The following CLIP1 variants were observed in gnomAD, a reference collection of about 807,000 sequenced individuals.
The protein encoded by CLIP1 is CAP-Gly domain-containing linker protein 1.
CLIP1 carries 66 observed loss-of-function variants against 161.6 expected under a neutral mutation model. That is an observed-to-expected ratio of 0.41 (90% CI 0.33 to 0.50). The LOEUF is 0.50. Among genes scored for constraint, CLIP1 ranks in the 20% least tolerant of loss-of-function variants. The pLI is 0.27. For missense variants in CLIP1, 1,376 were observed against 1,702.0 expected, an observed-to-expected ratio of 0.81 and a Z score of 3.37; for synonymous variants, 598 against 626.2, an observed-to-expected ratio of 0.96 and a Z score of 0.67.
intron 1 of CLIP1, among the ~76,000 whole-genome samples, chr12:122,415,507 A>G (rs943943386): frequency 3.7e-5 from 5 of 136,920 alleles, no homozygotes; most frequent in African/African-American, 1.4e-4. Flanking sequence ...AAAAAGTGTT[A>G]TCTAAAGTTT....
chr12:122,376,283 G>T (rs964529002), intron 3 of CLIP1, among the ~76,000 whole-genome samples: 2 of 151,914 alleles, frequency 1.3e-5, no homozygotes, highest in Non-Finnish European at 2.9e-5. Context: ...TGTTGCCCAG[G>T]TTCAAGTGAT....
rs545839578 is a variant in CLIP1, at chr12:122,311,941, C to A, written c.3474-2059G>T. 6.6e-6 allele frequency among the ~76,000 whole-genome samples: 1 copy of A among 152,268 alleles called. No individual in the cohort carries two copies. Among genetic ancestry groups the A allele is most frequent in the African/African-American group, 2.4e-5 (1 of 41,554 alleles). ...CTTCAGTCGTGGTTCAGATATAGAG[C>A]ACTTTGTTTTTTCTTTAGTGGGTAG... is the stretch of plus-strand genomic sequence containing the variant. On this transcript the variant is annotated intron_variant, in intron 19 of 25. Transcript: ENST00000620786. This position sits in a 1 kb window ranked among gnomAD's most constrained non-coding sequence, Gnocchi z 4.3.
In CLIP1 at chr12:122,293,353, T is replaced by G. The variant is rs143077892; in HGVS notation, c.3595-4812A>C. Among the ~76,000 whole-genome samples the G allele has an allele frequency of 9.2e-5, 14 of 152,288 alleles. No homozygotes were observed. In the East Asian group the frequency reaches 2.7e-3, roughly 29 times the overall value. ...TCCCTAGTTGGCAAATAGATTAATG[T>G]TTAAAAAGACAAAACAAAACAAAAA... On this transcript the variant is annotated intron_variant, in intron 20 of 25. Transcript: ENST00000620786.
rs1566061638 is a variant in CLIP1, at chr12:122,272,200, TA to T, written c.*674del. The T allele has an allele frequency of 6.6e-6, 1 of 152,570 alleles. No homozygotes were observed. The highest frequency in any genetic ancestry group is 2.4e-5 in the African/African-American group (1 of 41,450). 9.5% of individuals were successfully genotyped at this position (152,570 alleles called of 1,614,324 possible). ...TATAGAAGCTGAAATTATGCAAAAC[TA>T]ATAAACAAAACACCACAGTAGATTA... On this transcript the variant is annotated 3_prime_UTR_variant, in exon 26 of 26. Transcript: ENST00000620786.
chr12:122,335,919 C>T (rs1469385844), intron 12 of CLIP1, among the ~76,000 whole-genome samples: 1 of 152,124 alleles, frequency 6.6e-6, no homozygotes, highest in Non-Finnish European at 1.5e-5. Context: ...CCCTGCGTGG[C>T]ACATATACCT....
In CLIP1 at chr12:122,279,332, G is replaced by A; in HGVS notation, c.3648-187C>T. Reference sequence around the variant, plus strand: ...ACTTGAAATTTTACTTACTGTGAGGGGAGAAAAAGTTTACCTATGCATAGA... The same window carrying A: ...ACTTGAAATTTTACTTACTGTGAGGAGAGAAAAAGTTTACCTATGCATAGA... On this transcript the variant is annotated intron_variant, in intron 21 of 25. Transcript: ENST00000620786. The surrounding 1 kb of genome is among the most constrained non-coding windows in gnomAD (Gnocchi z 4.5). 1 of 397,918 alleles carries A rather than the reference G, an allele frequency of 2.5e-6. No homozygotes were observed. The highest frequency in any genetic ancestry group is 5.5e-5 in the South Asian group (1 of 18,146). 24.6% of individuals were successfully genotyped at this position (397,918 alleles called of 1,614,324 possible). A position where few individuals can be genotyped will look rare whatever the true frequency, so the allele number is the denominator to read the frequency against.
chr12:122,364,191 T>TACA, intron 3 of CLIP1, 84 bp from the exon 4 acceptor site: 1 of 1,488,068 alleles, frequency 6.7e-7, no homozygotes. Context: ...AACTAGGTAC[T>TACA]ACATTCCATC....
At chr12:122,377,230 G>A (rs1192745301) in intron 3 of CLIP1, among the ~76,000 whole-genome samples, 159 bp downstream of exon 3, 3 of 151,846 alleles carry the variant, frequency 2.0e-5, no homozygotes, top group African/African-American at 7.3e-5. Flanking sequence ...GGCTGGTCTT[G>A]AACTCCTGAC....
intron 1 of CLIP1, chr12:122,400,970 G>A (rs905758231): frequency 1.4e-5 from 2 of 147,228 alleles, no homozygotes; most frequent in African/African-American, 5.0e-5. Context: ...GGAGTGCAGT[G>A]GCGCGATCTC....
At chr12:122,287,476 G>A (rs1037731633) in intron 21 of CLIP1, among the ~76,000 whole-genome samples, 4 of 152,120 alleles carry the variant, frequency 2.6e-5, no homozygotes, top group Admixed American at 6.5e-5. Flanking sequence ...TTTAACAAGC[G>A]AAAAAGCACA....
At chr12:122,357,831 C>T (rs538677939) in intron 5 of CLIP1, among the ~76,000 whole-genome samples, 25 of 149,004 alleles carry the variant, frequency 1.7e-4, no homozygotes, top group Non-Finnish European at 1.0e-4. Context: ...GTCAGCCCCC[C>T]GCCCGGCCAG....
intron 1 of CLIP1, among the ~76,000 whole-genome samples, chr12:122,413,819 T>C (rs1371264973): frequency 1.3e-5 from 2 of 151,954 alleles, no homozygotes; most frequent in East Asian, 3.9e-4. Flanking sequence ...GACCCACCCA[T>C]TGAGTTAGTG....
At chr12:122,366,793 A>C (rs954278173) in intron 3 of CLIP1, among the ~76,000 whole-genome samples, 6 of 152,150 alleles carry the variant, frequency 3.9e-5, no homozygotes, top group Admixed American at 1.3e-4. Context: ...GTGAGCCAAG[A>C]CTGTGCCAAT....
In CLIP1 at chr12:122,377,617, G is replaced by A; in HGVS notation, c.429C>T (p.Ser143=). Residue 143 remains serine, a synonymous_variant, in exon 3 of 26, where the codon TCC becomes TCT. Transcript: ENST00000620786. ...AAGTGCACAGCGGTGAAGTAGCTCG[G>A]GAGGCGGGCGTTGTCTGCAGGCCAT... ...EANGLQTTPA[S]RATSPLCTST... is the part of the protein sequence containing the mutation. 2 of 1,613,856 alleles carry A rather than the reference G, an allele frequency of 1.2e-6. No individual in the cohort carries two copies. The highest frequency in any genetic ancestry group is 1.7e-6 in the Non-Finnish European group (2 of 1,179,992).
At chr12:122,301,119 C>T (rs1245521575) in intron 20 of CLIP1, among the ~76,000 whole-genome samples, 1 of 152,000 alleles carries the variant, frequency 6.6e-6, no homozygotes, top group African/African-American at 2.4e-5. Context: ...TAAAGAGACA[C>T]GACAACTCAG....
At chr12:122,371,610 C>T (rs1954455636) in intron 3 of CLIP1, among the ~76,000 whole-genome samples, 1 of 152,110 alleles carries the variant, frequency 6.6e-6, no homozygotes, top group South Asian at 2.1e-4. Context: ...GTGGCATGGA[C>T]GGTGCCATGC....
chr12:122,363,764 A>T (rs1354426320), intron 4 of CLIP1, among the ~76,000 whole-genome samples: 2 of 152,104 alleles, frequency 1.3e-5, no homozygotes, highest in Non-Finnish European at 2.9e-5. Flanking sequence ...GCTTGTTCAG[A>T]ATCTACTCAG....
intron 2 of CLIP1, among the ~76,000 whole-genome samples, chr12:122,379,367 A>G (rs1200294255): frequency 1.3e-5 from 2 of 151,450 alleles, no homozygotes; most frequent in Admixed American, 1.3e-4. Context: ...TAATCCCAGC[A>G]CTTTGGGAAG....
In CLIP1 at chr12:122,273,567, T is replaced by C. The variant is rs191480674; in HGVS notation, c.4092-467A>G. Among the ~76,000 whole-genome samples, 132 of 152,070 alleles carry C rather than the reference T, an allele frequency of 8.7e-4. 1 individual carries two copies. Among genetic ancestry groups the C allele is most frequent in the African/African-American group, 2.9e-3 (122 of 41,476 alleles). The stretch of plus-strand genomic sequence containing the variant: ...GCCAGCCTCACATTTAAAATCTTCA[T>C]GTCAAAGCATTTGTAGTCTCCTCTC... On this transcript the variant is annotated intron_variant, in intron 25 of 25. Transcript: ENST00000620786.
Sources: gnomAD v4.1 joint callset for allele counts (sites outside exome capture counted in the v4.1 genomes callset) on GRCh38, gnomAD v4.1.1 for gene constraint, Gnocchi (gnomAD v3.1) non-coding constraint, MANE v1.5 for transcripts, NCBI Gene and HGNC (gene_info 2026-07-23, HGNC 2026-07-21) for gene names.